The following EXOC2 variants were observed in gnomAD, a reference collection of about 807,000 sequenced individuals.
The protein encoded by EXOC2 is SEC5-like 1.
EXOC2 carries 70 observed loss-of-function variants against 131.8 expected under a neutral mutation model. That is an observed-to-expected ratio of 0.53 (90% confidence interval 0.44 to 0.65). The LOEUF (loss-of-function observed/expected upper bound fraction) is 0.65, where lower values mean the gene tolerates loss of function less well. EXOC2 is among the 30% of genes least tolerant of loss of function. The pLI, the probability that EXOC2 is intolerant of heterozygous loss-of-function variation, is 0.00. For synonymous variants in EXOC2, 411 were observed against 398.4 expected (o/e 1.03, Z -0.38); for missense variants, 923 against 1,108.6 (o/e 0.83, Z 2.38).
intron 1 of EXOC2, among the ~76,000 whole-genome samples, chr6:665,415 A>C (rs2762447): frequency 1.3e-5 from 2 of 152,282 alleles, no homozygotes; most frequent in Middle Eastern, 6.8e-3. Context: ...CCATTTGATC[A>C]AGCAATCCCA....
At chr6:518,987 T>C (rs1171100922) in intron 23 of EXOC2, among the ~76,000 whole-genome samples, 1 of 152,138 alleles carries the variant, frequency 6.6e-6, no homozygotes, top group South Asian at 2.1e-4. Context: ...TCCGTTTTGA[T>C]CAAAAGCAGA....
chr6:671,437 T>C (rs1487552004), intron 1 of EXOC2, among the ~76,000 whole-genome samples: 1 of 151,766 alleles, frequency 6.6e-6, no homozygotes, highest in African/African-American at 2.4e-5. Flanking sequence ...TCAGCATGAA[T>C]GTGGGGTGTA....
At chr6:692,946 G>C (rs1321153580) in intron 1 of EXOC2, 73 bp downstream of exon 1, 2 of 152,430 alleles carry the variant, frequency 1.3e-5, no homozygotes, top group African/African-American at 4.8e-5. Context: ...GACGCCGCAG[G>C]CGGCCACCTC....
chr6:539,684 GATA>G (rs1335514453), intron 22 of EXOC2, among the ~76,000 whole-genome samples: 2 of 152,190 alleles, frequency 1.3e-5, no homozygotes, highest in African/African-American at 4.8e-5. Context: ...AAAACTTTTT[GATA>G]ATAATGTTTT....
intron 7 of EXOC2, among the ~76,000 whole-genome samples, chr6:609,205 G>A (rs1760587434): frequency 6.6e-6 from 1 of 152,120 alleles, no homozygotes; most frequent in Non-Finnish European, 1.5e-5. Context: ...TTCCACCCAC[G>A]GGACTCACTT....
At chr6:679,822 G>A (rs925521151) in intron 1 of EXOC2, among the ~76,000 whole-genome samples, 2 of 152,086 alleles carry the variant, frequency 1.3e-5, no homozygotes, top group Non-Finnish European at 2.9e-5. Context: ...AAAGACATAC[G>A]AATAAATAAA....
chr6:636,813 C>T (rs9504538), intron 2 of EXOC2, among the ~76,000 whole-genome samples: 2,472 of 152,308 alleles, frequency 0.016, 85 homozygotes, highest in African/African-American at 0.055. Flanking sequence ...GGCAAGTAAT[C>T]GTAACTGGCC....
At chr6:617,973 G>C (rs1010564943) in intron 5 of EXOC2, 138 bp from the exon 6 acceptor site, 3 of 1,025,300 alleles carry the variant, frequency 2.9e-6, no homozygotes, top group Non-Finnish European at 3.9e-6. Flanking sequence ...GAAGCCAGAT[G>C]AAATCAAAAA....
chr6:530,026 G>GA (rs1765985841), intron 23 of EXOC2, among the ~76,000 whole-genome samples: 1 of 152,228 alleles, frequency 6.6e-6, no homozygotes, highest in Non-Finnish European at 1.5e-5. Context: ...CATTTTAATT[G>GA]AAACGCAGCT....
chr6:688,038 C>T (rs1420368276), intron 1 of EXOC2, among the ~76,000 whole-genome samples: 1 of 152,176 alleles, frequency 6.6e-6, no homozygotes, highest in Admixed American at 6.5e-5. Flanking sequence ...GGAGATTGGT[C>T]TTAGCATAAA....
intron 1 of EXOC2, among the ~76,000 whole-genome samples, chr6:692,707 A>T (rs1764991510): frequency 6.6e-6 from 1 of 152,116 alleles, no homozygotes; most frequent in Non-Finnish European, 1.5e-5. Flanking sequence ...GTCTGGGGCC[A>T]GCTCCAGCGG....
chr6:537,908 T>C (rs1209646604), intron 22 of EXOC2, among the ~76,000 whole-genome samples: 2 of 152,212 alleles, frequency 1.3e-5, no homozygotes, highest in Admixed American at 6.5e-5. Flanking sequence ...AGCTGGAACG[T>C]TGCTGAGAAG....
At chr6:585,441 T>C (rs1406459922) in intron 11 of EXOC2, among the ~76,000 whole-genome samples, 2 of 152,166 alleles carry the variant, frequency 1.3e-5, no homozygotes, top group Non-Finnish European at 2.9e-5. Flanking sequence ...ATATTATTAC[T>C]ACAAAAACGA....
At chr6:682,679 A>G (rs940073112) in intron 1 of EXOC2, among the ~76,000 whole-genome samples, 2 of 152,332 alleles carry the variant, frequency 1.3e-5, no homozygotes, top group African/African-American at 4.8e-5. Flanking sequence ...AAAAGGCCAC[A>G]TATATGATTC....
intron 1 of EXOC2, among the ~76,000 whole-genome samples, chr6:647,672 G>A (rs572882666): frequency 7.2e-6 from 1 of 138,536 alleles, no homozygotes; most frequent in African/African-American, 2.7e-5. Context: ...TCACTCTGGT[G>A]TGAAACATAA....
intron 23 of EXOC2, among the ~76,000 whole-genome samples, chr6:503,025 G>C (rs1166947090): frequency 6.6e-6 from 1 of 152,222 alleles, no homozygotes; most frequent in African/African-American, 2.4e-5. Context: ...GCGGAGCTCT[G>C]CGAGCTGCCA....
chr6:659,079 G>A (rs1257171572), intron 1 of EXOC2, among the ~76,000 whole-genome samples: 2 of 152,184 alleles, frequency 1.3e-5, no homozygotes, highest in African/African-American at 4.8e-5. Context: ...GTATCTTGAA[G>A]TCAGTCAAGT....
intron 13 of EXOC2, among the ~76,000 whole-genome samples, chr6:567,849 G>A (rs2473493): frequency 0.018 from 2,710 of 152,316 alleles, 80 homozygotes; most frequent in African/African-American, 0.061. Flanking sequence ...TCTGGGTCCC[G>A]ACATGAGAGT....
intron 7 of EXOC2, among the ~76,000 whole-genome samples, chr6:606,654 C>A (rs1760432872): frequency 6.6e-6 from 1 of 152,210 alleles, no homozygotes; most frequent in Non-Finnish European, 1.5e-5. Flanking sequence ...CCGTCCACAT[C>A]ATGAAACATC....
Sources: gnomAD v4.1 joint callset for allele counts (sites outside exome capture counted in the v4.1 genomes callset) on GRCh38, gnomAD v4.1.1 for gene constraint, MANE v1.5 for transcripts, NCBI Gene and HGNC (gene_info 2026-07-23, HGNC 2026-07-21) for gene names.